MEIKIN: variants seen among roughly 807,000 people sequenced by gnomAD.
MEIKIN encodes the protein meiotic kinetochore factor.
At chr5:131,903,425 A>G (rs1014611481) in intron 8 of MEIKIN, among the ~76,000 whole-genome samples, 3 of 152,198 alleles carry the variant, frequency 2.0e-5, no homozygotes, top group Admixed American at 6.5e-5. Flanking sequence ...CCTACAAAGG[A>G]AATCCCATTA....
chr5:131,811,288 A>G (rs1417307853), intron 12 of MEIKIN, among the ~76,000 whole-genome samples: 2 of 152,114 alleles, frequency 1.3e-5, no homozygotes, highest in East Asian at 3.8e-4. Flanking sequence ...CTAATATGAC[A>G]GGCCAAAAAG....
At chr5:131,898,936 CT>C (rs1203307329) in intron 8 of MEIKIN, among the ~76,000 whole-genome samples, 1 of 152,218 alleles carries the variant, frequency 6.6e-6, no homozygotes, top group East Asian at 1.9e-4. Flanking sequence ...GCTGTACCCA[CT>C]GTCCAAGCAG....
rs573314662 is a variant in MEIKIN at position 131,893,155 on chromosome 5, C to T, written c.704-14107G>A. Among the ~76,000 whole-genome samples, 359 of 149,236 alleles carry T rather than the reference C, an allele frequency of 2.4e-3. 2 individuals are homozygous for T. The highest frequency in any genetic ancestry group is 3.7e-3 in the Non-Finnish European group (247 of 66,032). ...GCATTTAAGTCTGCAGAGGTTACTG[C>T]TGCGTTTTGTTTGTCTGTGCCCTGT... On this transcript the variant is annotated intron_variant, in intron 8 of 12. Coordinates refer to ENST00000442687, the MANE Select transcript of MEIKIN (RefSeq NM_001303622.2).
intron 8 of MEIKIN, among the ~76,000 whole-genome samples, chr5:131,908,529 T>C (rs1227000795): frequency 1.3e-5 from 2 of 152,166 alleles, no homozygotes; most frequent in Non-Finnish European, 2.9e-5. Flanking sequence ...GAAGACACGA[T>C]GCTCACTTTC....
chr5:131,865,489 G>A (rs1431603977), intron 9 of MEIKIN, among the ~76,000 whole-genome samples: 1 of 152,208 alleles, frequency 6.6e-6, no homozygotes, highest in Non-Finnish European at 1.5e-5. Context: ...AAAGTGCCGG[G>A]ATTACAGGCA....
intron 8 of MEIKIN, among the ~76,000 whole-genome samples, chr5:131,881,251 G>C (rs4579253): frequency 0.78 from 119,223 of 152,100 alleles, 46,975 homozygotes; most frequent in Middle Eastern, 0.83. Context: ...TGTGACAATT[G>C]TTAGTCCTCA....
intron 7 of MEIKIN, among the ~76,000 whole-genome samples, chr5:131,913,962 G>A (rs187667160): frequency 6.6e-6 from 1 of 152,294 alleles, no homozygotes; most frequent in East Asian, 1.9e-4. Flanking sequence ...GTCTTTAAGA[G>A]GTGACTGGAT....
At chr5:131,826,523 C>T (rs1350707520) in intron 11 of MEIKIN, among the ~76,000 whole-genome samples, 1 of 152,008 alleles carries the variant, frequency 6.6e-6, no homozygotes, top group Admixed American at 6.6e-5. Context: ...CTTAAATATA[C>T]CTCGTAAAAT....
At chr5:131,815,638 G>A (rs919502644) in intron 12 of MEIKIN, among the ~76,000 whole-genome samples, 1 of 152,200 alleles carries the variant, frequency 6.6e-6, no homozygotes, top group African/African-American at 2.4e-5. Flanking sequence ...CGACTGATCC[G>A]GACTACCAAG....
At chr5:131,867,913 T>C (rs1750415142) in intron 9 of MEIKIN, among the ~76,000 whole-genome samples, 1 of 152,210 alleles carries the variant, frequency 6.6e-6, no homozygotes, top group African/African-American at 2.4e-5. Flanking sequence ...CTGGATCATA[T>C]ATGAGTATGT....
intron 12 of MEIKIN, among the ~76,000 whole-genome samples, chr5:131,817,375 G>C (rs907726196): frequency 1.3e-5 from 2 of 152,016 alleles, no homozygotes; most frequent in African/African-American, 4.8e-5. Flanking sequence ...ACTTTGAGAG[G>C]CCAAGGCAGG....
At chr5:131,841,170 G>C (rs1308341054) in intron 11 of MEIKIN, among the ~76,000 whole-genome samples, 1 of 152,110 alleles carries the variant, frequency 6.6e-6, no homozygotes, top group African/African-American at 2.4e-5. Context: ...ACTTGTACTG[G>C]GCCCCAACTT....
intron 12 of MEIKIN, among the ~76,000 whole-genome samples, chr5:131,811,990 G>A (rs1772965870): frequency 6.6e-6 from 1 of 152,158 alleles, no homozygotes; most frequent in Non-Finnish European, 1.5e-5. Flanking sequence ...TGTGTAAACA[G>A]CACTGACATA....
Position 131,921,891 on chromosome 5 carries a change from G to A in MEIKIN, c.529C>T (p.Leu177Phe), listed in dbSNP as rs1751511551. The change falls in exon 6 of 13, where the codon CTT (leucine) becomes TTT (phenylalanine). Residue 177 changes from leucine to phenylalanine, a missense_variant. Physicochemically the swap from Leu to Phe is conservative, Grantham distance 22 (BLOSUM62 0). Coordinates refer to ENST00000442687, the MANE Select transcript of MEIKIN (RefSeq NM_001303622.2). ...GCTACTGCTTTACTGGTATCCAGAA[G>A]AGTAGAATTCTTCCACTGCATGTGT... ...EEHMQWKNST[L>F]LDTSKAVAIE... The A allele has an allele frequency of 2.5e-6, 1 of 398,906 alleles. No homozygotes were observed. Among genetic ancestry groups the A allele is most frequent in the South Asian group, 1.3e-4 (1 of 7,864 alleles). 24.7% of individuals were successfully genotyped at this position (398,906 alleles called of 1,614,324 possible).
chr5:131,891,208 C>A (rs190486669), intron 8 of MEIKIN, among the ~76,000 whole-genome samples: 25 of 152,072 alleles, frequency 1.6e-4, no homozygotes, highest in African/African-American at 4.3e-4. Context: ...TTTGGGGTGG[C>A]GAGTTCTGTA....
chr5:131,928,548 T>A (rs1470345063), intron 5 of MEIKIN, among the ~76,000 whole-genome samples: 1 of 152,176 alleles, frequency 6.6e-6, no homozygotes, highest in Admixed American at 6.5e-5. Flanking sequence ...CTCCTGCACT[T>A]TATTCATGTC....
At chr5:131,881,396 GT>G (rs539652746) in intron 8 of MEIKIN, among the ~76,000 whole-genome samples, 1 of 151,862 alleles carries the variant, frequency 6.6e-6, no homozygotes, top group Non-Finnish European at 1.5e-5. Flanking sequence ...AGGTCTCAGG[GT>G]TTTTTTGCCG....
intron 9 of MEIKIN, among the ~76,000 whole-genome samples, chr5:131,863,557 CTTTTTTT>C (rs59435888): frequency 1.0e-4 from 7 of 68,434 alleles, no homozygotes; most frequent in African/African-American, 3.1e-4. Flanking sequence ...CTTCTTTGTC[CTTTTTTT>C]TTTTTTTTTT....
intron 11 of MEIKIN, among the ~76,000 whole-genome samples, chr5:131,841,882 T>C (rs1474307034): frequency 6.6e-6 from 1 of 152,270 alleles, no homozygotes; most frequent in Non-Finnish European, 1.5e-5. Context: ...TAAAGACAAC[T>C]GATTTTTGTA....
Sources: allele counts gnomAD v4.1 joint callset (sites outside exome capture counted in the v4.1 genomes callset), GRCh38; gene constraint gnomAD v4.1.1; transcripts MANE v1.5; gene names NCBI Gene and HGNC (gene_info 2026-07-23, HGNC 2026-07-21).